TAOK1: variants seen among roughly 807,000 people sequenced by gnomAD.
The protein encoded by TAOK1 is serine/threonine-protein kinase TAO1.
A neutral mutation model predicts 138.3 loss-of-function variants in TAOK1; 21 were observed. The ratio of observed to expected loss-of-function variants is 0.15; its 90% confidence interval spans 0.11 to 0.22. TAOK1 has a LOEUF of 0.22. TAOK1 is among the 10% of genes least tolerant of loss of function. TAOK1 has a pLI of 1.00. For synonymous variants in TAOK1, 361 were observed against 398.4 expected, an observed-to-expected ratio of 0.91 and a Z score of 1.12; for missense variants, 651 against 1,227.7, an observed-to-expected ratio of 0.53 and a Z score of 7.02.
At chr17:29,530,292 C>G in intron 17 of TAOK1, 115 bp from the exon 18 acceptor site, 1 of 890,562 alleles carries the variant, frequency 1.1e-6, no homozygotes, top group Non-Finnish European at 1.7e-6. Context: ...ATCTGACCTG[C>G]TTGGCTTTCC....
At chr17:29,521,832 T>A (rs559078827) in intron 16 of TAOK1, among the ~76,000 whole-genome samples, 10 of 152,332 alleles carry the variant, frequency 6.6e-5, no homozygotes, top group African/African-American at 2.2e-4. Context: ...TCCACCCGCC[T>A]CGGCCTCCCA....
At chr17:29,480,871 CAA>C (rs398070899) in intron 7 of TAOK1, among the ~76,000 whole-genome samples, 1 of 96,802 alleles carries the variant, frequency 1.0e-5, no homozygotes, top group Non-Finnish European at 1.9e-5. Flanking sequence ...CCCTGTCTCT[CAA>C]AAAAAAAAAA....
intron 18 of TAOK1, among the ~76,000 whole-genome samples, chr17:29,531,083 T>C (rs891090749): frequency 6.9e-6 from 1 of 145,230 alleles, no homozygotes; most frequent in Non-Finnish European, 1.5e-5. Flanking sequence ...TGCCTCAGCC[T>C]CCCAAGTAGC....
In TAOK1 at chr17:29,542,920, T is replaced by G. The variant is rs2032344224; in HGVS notation, c.2904T>G (p.Ala968=). The change falls in exon 20 of 20, where the codon GCT becomes GCG. Residue 968 remains alanine, a synonymous_variant. Transcript: ENST00000261716. ...SSMGVRNSPQ[A]LRRTASGGRT... is the part of the protein sequence containing the mutation. The stretch of plus-strand genomic sequence containing the variant: ...TGGGAGTCCGCAATAGCCCCCAGGC[T>G]CTGAGGCGGACAGCTTCTGGGGGAC... 2 of 1,613,812 alleles carry G rather than the reference T, an allele frequency of 1.2e-6. No individual in the cohort carries two copies. Among genetic ancestry groups the G allele is most frequent in the Non-Finnish European group, 1.7e-6 (2 of 1,179,956 alleles).
chr17:29,458,844 G>A (rs763400120), intron 2 of TAOK1, among the ~76,000 whole-genome samples: 7 of 152,078 alleles, frequency 4.6e-5, no homozygotes, highest in Admixed American at 1.3e-4. Flanking sequence ...ATAGGCGTGC[G>A]CCACCACGCC....
At chr17:29,530,986 GA>G (rs2032092951) in intron 18 of TAOK1, among the ~76,000 whole-genome samples, 2 of 5,194 alleles carry the variant, frequency 3.9e-4, no homozygotes, top group African/African-American at 7.7e-4. Context: ...TTTTGAGACG[GA>G]GTCTCACTCT....
At chr17:29,440,576 T>G (rs2029913685) in intron 1 of TAOK1, among the ~76,000 whole-genome samples, 1 of 138,580 alleles carries the variant, frequency 7.2e-6, no homozygotes, top group African/African-American at 3.2e-5. Flanking sequence ...ATCAATTACT[T>G]TTTTTTTTTT....
intron 19 of TAOK1, among the ~76,000 whole-genome samples, chr17:29,539,520 T>C (rs1278131713): frequency 6.6e-6 from 1 of 151,850 alleles, no homozygotes; most frequent in Non-Finnish European, 1.5e-5. Flanking sequence ...CACAGCAACC[T>C]CCGGCTCCCG....
At chr17:29,537,946 T>C (rs1462716146) in intron 19 of TAOK1, among the ~76,000 whole-genome samples, 1 of 151,906 alleles carries the variant, frequency 6.6e-6, no homozygotes, top group African/African-American at 2.4e-5. Context: ...ACCCCGTCTC[T>C]ACTAAAAATA....
At position 29,550,920 on chromosome 17, in the gene TAOK1, G is replaced by A. The variant is rs1056399313; in HGVS notation, c.*7898G>A. The A allele has an allele frequency of 2.6e-5, 4 of 151,760 alleles. No homozygotes were observed. Among genetic ancestry groups the A allele is most frequent in the Admixed American group, 6.6e-5 (1 of 15,204 alleles). 9.4% of individuals were successfully genotyped at this position (151,760 alleles called of 1,614,324 possible). On this transcript the variant is annotated 3_prime_UTR_variant, in exon 20 of 20. Coordinates refer to ENST00000261716, the MANE Select transcript of TAOK1 (RefSeq NM_020791.4). The stretch of plus-strand genomic sequence containing the variant: ...CCATATCACTCCATTTGCATTATTT[G>A]TGCAAATGCCAGGGTTGGTTTTTAT...
At position 29,545,270 on chromosome 17, in the gene TAOK1, T is replaced by C. The variant is rs2032384281; in HGVS notation, c.*2248T>C. 1.3e-5 allele frequency: 1 copy of C among 76,054 alleles called. No homozygotes were observed. Among genetic ancestry groups the C allele is most frequent in the Non-Finnish European group, 2.6e-5 (1 of 38,310 alleles). The allele number at this position is 76,054 out of a possible 1,614,324, so 4.7% of individuals were successfully genotyped here. On this transcript the variant is annotated 3_prime_UTR_variant, in exon 20 of 20. Coordinates refer to ENST00000261716, the MANE Select transcript of TAOK1 (RefSeq NM_020791.4). ...TTCCAACAAATTGAGAAATTACTTATTTGGTGTAAAATGACGAGAGAGCTT... is the reference window on the plus strand; with the variant it reads ...TTCCAACAAATTGAGAAATTACTTACTTGGTGTAAAATGACGAGAGAGCTT...
intron 13 of TAOK1, among the ~76,000 whole-genome samples, chr17:29,504,322 GAAAGA>G (rs1464662426): frequency 1.0e-4 from 12 of 120,072 alleles, no homozygotes; most frequent in African/African-American, 3.7e-4. Context: ...AGAAAAGAAA[GAAAGA>G]AAAGAAGAGA....
chr17:29,492,897 T>C (rs1369860946), intron 10 of TAOK1, among the ~76,000 whole-genome samples: 5 of 152,194 alleles, frequency 3.3e-5, no homozygotes, highest in African/African-American at 1.2e-4. Flanking sequence ...CCCCAGCTCT[T>C]TGGGAGGCCG....
intron 19 of TAOK1, among the ~76,000 whole-genome samples, chr17:29,537,850 A>G (rs2032248949): frequency 6.6e-6 from 1 of 152,168 alleles, no homozygotes; most frequent in Non-Finnish European, 1.5e-5. Context: ...GTGGCGGCTC[A>G]CGCCTGTAAT....
Position 29,547,784 on chromosome 17 carries a change from T to C in TAOK1, c.*4762T>C, listed in dbSNP as rs1204774050. 2.0e-5 allele frequency: 3 copies of C among 152,124 alleles called. No individual in the cohort carries two copies. The highest frequency in any genetic ancestry group is 1.3e-4 in the Admixed American group (2 of 15,268). 9.4% of individuals were successfully genotyped at this position (152,124 alleles called of 1,614,324 possible). On this transcript the variant is annotated 3_prime_UTR_variant, in exon 20 of 20. Transcript: ENST00000261716. ...CCAACCAGGTTGTAGCATTGCCTTT[T>C]AAAAGAGACTCACTCACTCTTAGTT...
At chr17:29,497,827 A>T (rs2031443222) in intron 11 of TAOK1, among the ~76,000 whole-genome samples, 1 of 151,946 alleles carries the variant, frequency 6.6e-6, no homozygotes. Context: ...AACAACTACA[A>T]TGAAGTTTCT....
chr17:29,458,565 T>C (rs2030452876), intron 2 of TAOK1, among the ~76,000 whole-genome samples: 1 of 152,254 alleles, frequency 6.6e-6, no homozygotes, highest in African/African-American at 2.4e-5. Flanking sequence ...TGGCACAATC[T>C]TGTCACACTG....
At position 29,503,395 on chromosome 17, in the gene TAOK1, CAAAA is replaced by C. The variant is rs5819870; in HGVS notation, c.1338+690_1338+693del. The stretch of plus-strand genomic sequence containing the variant: ...TGGGCGACAGAGCAAGACTCTGTCT[CAAAA>C]AAAAAAAAAAAAAAAAAGAATGTGG... On this transcript the variant is annotated intron_variant, in intron 13 of 19. Coordinates refer to ENST00000261716, the MANE Select transcript of TAOK1 (RefSeq NM_020791.4). Among the ~76,000 whole-genome samples the C allele has an allele frequency of 4.2e-4, 36 of 84,966 alleles. No individual in the cohort carries two copies. The South Asian group carries it at 8.2e-3, about 19-fold the overall frequency. The allele number at this position is 84,966 out of a possible 152,430, so 55.7% of individuals were successfully genotyped here. A position where few individuals can be genotyped will look rare whatever the true frequency, so the allele number is the denominator to read the frequency against.
rs905277034 is a variant in TAOK1, at chr17:29,530,725, T to C, written c.2361+106T>C. ...TACTAGTTGGAAATGATAGCTCTCC[T>C]GAAGCTTGGGAAATGTGGTGGTGGT... On this transcript the variant is annotated intron_variant, in intron 18 of 19. Coordinates refer to ENST00000261716, the MANE Select transcript of TAOK1 (RefSeq NM_020791.4). 5.4e-6 allele frequency: 5 copies of C among 928,786 alleles called. No homozygotes were observed. The African/African-American group carries it at 8.2e-5, about 15-fold the overall frequency. 57.5% of individuals were successfully genotyped at this position (928,786 alleles called of 1,614,324 possible).
Sources: gnomAD v4.1 joint callset for allele counts (sites outside exome capture counted in the v4.1 genomes callset) on GRCh38, gnomAD v4.1.1 for gene constraint, MANE v1.5 for transcripts, NCBI Gene and HGNC (gene_info 2026-07-23, HGNC 2026-07-21) for gene names.